Variants in MYO1F observed in about 807,000 individuals in gnomAD.
The protein encoded by MYO1F is unconventional myosin-If.
In MYO1F, 60 loss-of-function variants were observed where a neutral mutation model predicts 146.6. The observed-to-expected ratio is 0.41, with a 90% CI of 0.33 to 0.51. The LOEUF is 0.51. Among genes scored for constraint, MYO1F ranks in the 20% least tolerant of loss-of-function variants. The pLI is 0.25. For missense variants in MYO1F, 1,274 were observed against 1,534.3 expected (o/e 0.83, Z 2.83); for synonymous variants, 602 against 602.1 (o/e 1.00, Z 0.00).
intron 24 of MYO1F, 22 bp from the exon 25 acceptor site, chr19:8,525,584 G>A: frequency 6.3e-7 from 1 of 1,599,446 alleles, no homozygotes; most frequent in Non-Finnish European, 8.6e-7. Flanking sequence ...GTGTCAGGGA[G>A]TTGAATGACA....
Position 8,550,742 on chromosome 19 carries a change from A to G in MYO1F, c.772-48T>C, listed in dbSNP as rs375670697. The G allele has an allele frequency of 1.1e-4, 181 of 1,611,684 alleles. No individual in the cohort carries two copies. The African/African-American group carries it at 2.2e-3, about 20-fold the overall frequency. On this transcript the variant is annotated intron_variant, in intron 8 of 27. Transcript: ENST00000644032. ...ACTGTGCCGTGAATCCTGGCCTCCA[A>G]CCTGCCTCCAGGGGCAGGCTTGAGG...
chr19:8,539,795 C>T, intron 16 of MYO1F, 152 bp downstream of exon 16: 1 of 658,836 alleles, frequency 1.5e-6, no homozygotes, highest in Non-Finnish European at 2.6e-6. Flanking sequence ...GAGGAAGACC[C>T]TGCTGAACAG....
intron 1 of MYO1F, among the ~76,000 whole-genome samples, chr19:8,558,956 G>A (rs950631580): frequency 6.6e-6 from 1 of 152,046 alleles, no homozygotes; most frequent in Non-Finnish European, 1.5e-5. Flanking sequence ...ACGGCTCACT[G>A]CTACCTCTGC....
intron 1 of MYO1F, among the ~76,000 whole-genome samples, chr19:8,573,044 C>T (rs782552397): frequency 2.6e-5 from 4 of 152,192 alleles, no homozygotes; most frequent in African/African-American, 7.2e-5. Flanking sequence ...TGTGGTGGCT[C>T]ACGCCTATAA....
chr19:8,522,636 G>A lies in MYO1F; in HGVS notation c.3048C>T (p.Ala1016=), dbSNP rs368435303. ...EFLNVPDQGM[A]GMQRKRSVGQ... Reference sequence around the variant, plus strand: ...AGCTGCCCTCCCACCCCACCTACCCGGCCATGCCCTGGTCAGGCACGTTGA... The same window carrying A: ...AGCTGCCCTCCCACCCCACCTACCCAGCCATGCCCTGGTCAGGCACGTTGA... Residue 1016 remains alanine, a splice_region_variant and synonymous_variant, in exon 26 of 28, where the codon GCC becomes GCT. Transcript: ENST00000644032. 35 of 1,599,746 alleles carry A rather than the reference G, an allele frequency of 2.2e-5. No homozygotes were observed. The African/African-American group carries it at 3.2e-4, about 15-fold the overall frequency.
At chr19:8,575,365 G>A (rs2042221108) in intron 1 of MYO1F, among the ~76,000 whole-genome samples, 2 of 151,832 alleles carry the variant, frequency 1.3e-5, no homozygotes, top group South Asian at 4.2e-4. Flanking sequence ...GTGAGCCACC[G>A]CACCCGGCCG....
rs141838083 is a variant in MYO1F, at chr19:8,559,767, T to G, written c.4-3971A>C. ...GAGTTTGAGACCAGCCTGACCAACA[T>G]GGTGAAACTCCATCTCTACTAAAAA... On this transcript the variant is annotated intron_variant, in intron 1 of 27. Transcript: ENST00000644032. 3.0e-4 allele frequency among the ~76,000 whole-genome samples: 45 copies of G among 151,900 alleles called. No homozygotes were observed. The East Asian group carries it at 7.6e-3, about 26-fold the overall frequency.
At chr19:8,545,088 T>G (rs1973285891) in intron 13 of MYO1F, among the ~76,000 whole-genome samples, 1 of 150,334 alleles carries the variant, frequency 6.7e-6, no homozygotes, top group Non-Finnish European at 1.5e-5. Flanking sequence ...TAAATACGTC[T>G]TAAATTTAAT....
In MYO1F at chr19:8,536,967, CG is replaced by C; in HGVS notation, c.1780del (p.Arg594GlufsTer17). On this transcript the variant is annotated frameshift_variant, in exon 17 of 28. Transcript: ENST00000644032. LOFTEE classifies it high-confidence loss of function. ...GGATCACCTGTTCTCCTCCCAGTCT[CG>C]GGGCCTCTTGGTCTCGTTGGGTTTG... is the stretch of plus-strand genomic sequence containing the variant. The part of the protein sequence containing the change: ...CIKPNETKRP[R>X]DWEENRVKHQ... 1 of 1,612,342 alleles carries C rather than the reference CG, an allele frequency of 6.2e-7. No homozygotes were observed. Among genetic ancestry groups the C allele is most frequent in the Non-Finnish European group, 8.5e-7 (1 of 1,179,374 alleles).
rs890749156 is a variant in MYO1F, at chr19:8,530,726, G to C, written c.2044-153C>G. 1.3e-5 allele frequency among the ~76,000 whole-genome samples: 2 copies of C among 152,076 alleles called. No homozygotes were observed. Among genetic ancestry groups the C allele is most frequent in the African/African-American group, 4.8e-5 (2 of 41,430 alleles). On this transcript the variant is annotated intron_variant, in intron 19 of 27. Coordinates refer to ENST00000644032, the MANE Select transcript of MYO1F (RefSeq NM_012335.4). The surrounding 1 kb of genome is among the most constrained non-coding windows in gnomAD (Gnocchi z 5.8). ...TTTTAAGAGGCGGGGTCTTTCTAGT[G>C]ACACTCGTTCATAAAGAAAAGAAGA...
chr19:8,536,284 T>C lies in MYO1F; in HGVS notation c.2011A>G (p.Ser671Gly). 1 of 1,607,454 alleles carries C rather than the reference T, an allele frequency of 6.2e-7. No individual in the cohort carries two copies. The highest frequency in any genetic ancestry group is 8.5e-7 in the Non-Finnish European group (1 of 1,179,960). Reference sequence around the variant, plus strand: ...GGGTTCTTGACAAAGACCTTGGTGCTCCCCATCTGGTACTGGTCGGGCTCC... The same window carrying C: ...GGGTTCTTGACAAAGACCTTGGTGCCCCCCATCTGGTACTGGTCGGGCTCC... ...NMEPDQYQMG[S>G]TKVFVKNPES... The change falls in exon 19 of 28, where the codon AGC (serine) becomes GGC (glycine). Residue 671 changes from serine (S) to glycine (G), a missense_variant. Ser to Gly is a moderately conservative substitution (Grantham distance 56). Coordinates refer to ENST00000644032, the MANE Select transcript of MYO1F (RefSeq NM_012335.4).
intron 25 of MYO1F, 58 bp from the exon 26 acceptor site, chr19:8,522,887 AGGACTT>A: frequency 6.8e-7 from 1 of 1,474,162 alleles, no homozygotes. Flanking sequence ...GGATTTGAGG[AGGACTT>A]GGCTTCAAGT....
At position 8,551,827 on chromosome 19, in the gene MYO1F, C is replaced by T. The variant is rs1433323776; in HGVS notation, c.684G>A (p.Met228Ile). The T allele has an allele frequency of 6.2e-7, 1 of 1,614,118 alleles. No individual in the cohort carries two copies. The change falls in exon 8 of 28, where the codon ATG (methionine) becomes ATA (isoleucine). Residue 228 changes from methionine to isoleucine, a missense_variant. Met to Ile is a conservative substitution (Grantham distance 10, BLOSUM62 1). This residue lies in a region of MYO1F where 900 missense variants were observed against 1,155.1 expected (regional missense o/e 0.78). Coordinates refer to ENST00000644032, the MANE Select transcript of MYO1F (RefSeq NM_012335.4). ...SQEQRQNLGL[M>I]TPDYYYYLNQ... Reference sequence around the variant, plus strand: ...TGAGGTAGTAATAGTAGTCCGGTGTCATGAGGCCCAGGTTCTGCCTTTGCT... The same window carrying T: ...TGAGGTAGTAATAGTAGTCCGGTGTTATGAGGCCCAGGTTCTGCCTTTGCT...
At chr19:8,565,552 A>G (rs1600049006) in intron 1 of MYO1F, among the ~76,000 whole-genome samples, 2 of 151,974 alleles carry the variant, frequency 1.3e-5, no homozygotes, top group East Asian at 3.9e-4. Context: ...CGAAATAATA[A>G]TAATAATAAA....
chr19:8,539,166 G>A lies in MYO1F; in HGVS notation c.1692+781C>T, dbSNP rs527757990. On this transcript the variant is annotated intron_variant, in intron 16 of 27. Coordinates refer to ENST00000644032, the MANE Select transcript of MYO1F (RefSeq NM_012335.4). ...GCGGTGGCTCACACCTGTAATCCCA[G>A]CGCTTTGGGAGGCTGAGGCAGGCGG... Among the ~76,000 whole-genome samples the A allele has an allele frequency of 5.3e-5, 8 of 152,218 alleles. No homozygotes were observed. The South Asian group carries it at 1.7e-3, about 32-fold the overall frequency.
chr19:8,566,114 A>G (rs1369525348), intron 1 of MYO1F, among the ~76,000 whole-genome samples: 1 of 146,930 alleles, frequency 6.8e-6, no homozygotes, highest in Admixed American at 6.8e-5. Context: ...AAAAAAACCC[A>G]AACACCAAAC....
At chr19:8,528,838 G>T (rs2967590) in intron 21 of MYO1F, among the ~76,000 whole-genome samples, 10,536 of 152,016 alleles carry the variant, frequency 0.069, 843 homozygotes, top group African/African-American at 0.17. Context: ...GGAAGTGAGC[G>T]GGTGTGTATC....
chr19:8,530,443 A>G lies in MYO1F; in HGVS notation c.2158+16T>C. The stretch of plus-strand genomic sequence containing the variant: ...CTTGTGCCCCCACCCCGCGCCGTTT[A>G]CCCGAAGCCTCTCACCTTCCTCCCG... On this transcript the variant is annotated intron_variant, in intron 20 of 27. Coordinates refer to ENST00000644032, the MANE Select transcript of MYO1F (RefSeq NM_012335.4). This position sits in a 1 kb window ranked among gnomAD's most constrained non-coding sequence, Gnocchi z 5.8. 1 of 1,613,608 alleles carries G rather than the reference A, an allele frequency of 6.2e-7. No individual in the cohort carries two copies. Among genetic ancestry groups the G allele is most frequent in the Non-Finnish European group, 8.5e-7 (1 of 1,179,970 alleles).
At position 8,555,707 on chromosome 19, in the gene MYO1F, G is replaced by A. The variant is rs770098017; in HGVS notation, c.93C>T (p.Asp31=). ...GCTTCCGGAGGTTGGCGGCAATGGCGTCTTCGGTGATCTGGGGAAGAAGCA... is the reference window on the plus strand; with the variant it reads ...GCTTCCGGAGGTTGGCGGCAATGGCATCTTCGGTGATCTGGGGAAGAAGCA... ...DMVLLPQITE[D]AIAANLRKRF... Residue 31 remains aspartate, a synonymous_variant, in exon 2 of 28, where the codon GAC becomes GAT. Transcript: ENST00000644032. 1.2e-5 allele frequency: 20 copies of A among 1,614,120 alleles called. No homozygotes were observed. The South Asian group carries it at 1.3e-4, about 11-fold the overall frequency.
Sources: gnomAD v4.1 joint callset for allele counts (sites outside exome capture counted in the v4.1 genomes callset) on GRCh38, gnomAD v4.1.1 for gene constraint, gnomAD v4.1.1 regional missense constraint, Gnocchi (gnomAD v3.1) non-coding constraint, MANE v1.5 for transcripts, NCBI Gene and HGNC (gene_info 2026-07-23, HGNC 2026-07-21) for gene names.